Variants in UBR2 observed in about 807,000 individuals in gnomAD.
UBR2 encodes the protein E3 ubiquitin-protein ligase UBR2.
A neutral mutation model predicts 247.9 loss-of-function variants in UBR2; 92 were observed. That is an observed-to-expected ratio of 0.37 (90% CI 0.31 to 0.44). UBR2 has a LOEUF of 0.44. Ranked by LOEUF, UBR2 falls within the 20% of genes least tolerant of loss-of-function variation. The pLI is 1.00. For synonymous variants in UBR2, 672 were observed against 693.5 expected (o/e 0.97, Z 0.49); for missense variants, 1,613 against 2,112.6 (o/e 0.76, Z 4.64).
At chr6:42,618,000 G>A (rs1374391993) in intron 11 of UBR2, among the ~76,000 whole-genome samples, 2 of 152,238 alleles carry the variant, frequency 1.3e-5, no homozygotes, top group Non-Finnish European at 1.5e-5. Flanking sequence ...ATGTTTTAAC[G>A]CTATATACAT....
At chr6:42,678,102 C>T (rs1037653420) in intron 40 of UBR2, among the ~76,000 whole-genome samples, 2 of 152,112 alleles carry the variant, frequency 1.3e-5, no homozygotes, top group Non-Finnish European at 2.9e-5. Context: ...TTTGGGAGGC[C>T]AAGGCGGGCA....
Position 42,564,303 on chromosome 6 carries a change from G to A in UBR2, c.-17G>A. 4 of 1,601,760 alleles carry A rather than the reference G, an allele frequency of 2.5e-6. No individual in the cohort carries two copies. Among genetic ancestry groups the A allele is most frequent in the Admixed American group, 1.7e-5 (1 of 57,826 alleles). Reference sequence around the variant, plus strand: ...CTCTCCGGGCGGCGGTAGCGCTGGGGAGGAGGAGGAGAGAAGATGGCGTCG... The same window carrying A: ...CTCTCCGGGCGGCGGTAGCGCTGGGAAGGAGGAGGAGAGAAGATGGCGTCG... On this transcript the variant is annotated 5_prime_UTR_variant, in exon 1 of 47. Transcript: ENST00000372901.
chr6:42,583,815 C>T (rs563618209), intron 2 of UBR2, among the ~76,000 whole-genome samples: 14 of 151,912 alleles, frequency 9.2e-5, no homozygotes, highest in South Asian at 4.1e-4. Context: ...TGAGCCACCG[C>T]GCCCGGCCTC....
At chr6:42,630,494 T>C (rs954023046) in intron 11 of UBR2, among the ~76,000 whole-genome samples, 1 of 152,178 alleles carries the variant, frequency 6.6e-6, no homozygotes, top group Admixed American at 6.6e-5. Flanking sequence ...ATTTTTTTTT[T>C]TTGATACCCC....
At position 42,564,070 on chromosome 6, in the gene UBR2, C is replaced by T. The variant is rs1790630058; in HGVS notation, c.-250C>T. 9.5e-6 allele frequency: 5 copies of T among 528,098 alleles called. No individual in the cohort carries two copies. In the East Asian group the frequency reaches 1.7e-4, roughly 18 times the overall value. The allele number at this position is 528,098 out of a possible 1,614,324, so 32.7% of individuals were successfully genotyped here. A position where few individuals can be genotyped will look rare whatever the true frequency, so the allele number is the denominator to read the frequency against. On this transcript the variant is annotated 5_prime_UTR_variant, in exon 1 of 47. Transcript: ENST00000372901. ...GTGTCAGGCCTGGGGTTTTCTGTGT[C>T]CTTCCCTGGGTCAGGGACGAGCCAG...
intron 7 of UBR2, among the ~76,000 whole-genome samples, chr6:42,611,251 A>T (rs1050194855): frequency 2.6e-5 from 4 of 151,564 alleles, no homozygotes; most frequent in African/African-American, 9.7e-5. Context: ...TCACGAGATC[A>T]AGAGATCGAG....
chr6:42,576,434 G>A (rs981136594), intron 2 of UBR2, among the ~76,000 whole-genome samples: 1 of 151,418 alleles, frequency 6.6e-6, no homozygotes, highest in African/African-American at 2.4e-5. Context: ...CCATTCTGCT[G>A]CTGCTGCTGC....
chr6:42,648,163 C>T lies in UBR2; in HGVS notation c.2455C>T (p.His819Tyr), dbSNP rs970514593. Residue 819 changes from histidine (H) to tyrosine (Y), a missense_variant, in exon 22 of 47, where the codon CAT becomes TAT. This residue lies in a region of UBR2 where 1,524 missense variants were observed against 1,967.3 expected (regional missense o/e 0.77). Transcript: ENST00000372901. ...GMESVIEAVA[H>Y]FKKPGLTGRG... ...GGAGAGTGTAATCGAAGCAGTTGCC[C>T]ATTTCAAGTGAGTTTACTTCCTATT... The T allele has an allele frequency of 1.2e-6, 2 of 1,613,466 alleles. No homozygotes were observed. Among genetic ancestry groups the T allele is most frequent in the Non-Finnish European group, 1.7e-6 (2 of 1,179,550 alleles).
At chr6:42,571,336 G>C (rs535844019) in intron 1 of UBR2, among the ~76,000 whole-genome samples, 1 of 151,364 alleles carries the variant, frequency 6.6e-6, no homozygotes, top group East Asian at 1.9e-4. Flanking sequence ...ACAGGAATGG[G>C]AACATAAAAT....
chr6:42,631,121 G>A (rs911016440), intron 11 of UBR2, among the ~76,000 whole-genome samples: 2 of 152,110 alleles, frequency 1.3e-5, no homozygotes, highest in Non-Finnish European at 2.9e-5. Flanking sequence ...ACGTTTTGAT[G>A]AAACTTTTTC....
At chr6:42,684,056 CA>C (rs1332524640) in intron 43 of UBR2, among the ~76,000 whole-genome samples, 2 of 152,204 alleles carry the variant, frequency 1.3e-5, no homozygotes, top group Non-Finnish European at 2.9e-5. Context: ...CAATTTTTAT[CA>C]GTCAAAAATG....
chr6:42,624,729 G>A (rs1251397078), intron 11 of UBR2, among the ~76,000 whole-genome samples: 1 of 152,058 alleles, frequency 6.6e-6, no homozygotes, highest in Admixed American at 6.6e-5. Context: ...GTGGCTGAGG[G>A]TCAAAGGACT....
Position 42,616,023 on chromosome 6 carries a change from A to C in UBR2, c.1115A>C (p.Gln372Pro). ...CAAGGTGCTAGGAGTGTATATCATCAGTTGTTCATGAGCAGTCTGCTTATG... is the reference window on the plus strand; with the variant it reads ...CAAGGTGCTAGGAGTGTATATCATCCGTTGTTCATGAGCAGTCTGCTTATG... ...LWKGARSVYH[Q>P]LFMSSLLMDL... The change falls in exon 10 of 47, where the codon CAG becomes CCG. Residue 372 changes from glutamine to proline, a missense_variant. Gln to Pro is a moderately conservative substitution (Grantham distance 76). This residue lies in a region of UBR2 where 1,524 missense variants were observed against 1,967.3 expected (regional missense o/e 0.77). Transcript: ENST00000372901. 1 of 1,604,656 alleles carries C rather than the reference A, an allele frequency of 6.2e-7. No homozygotes were observed.
Position 42,616,066 on chromosome 6 carries a change from A to G in UBR2, c.1158A>G (p.Lys386=). ...TGCTTATGGATTTGAAATACAAGAA[A>G]CTATTTGCTGTTCGATTTGCAAAAG... ...SSLLMDLKYK[K]LFAVRFAKNY... The change falls in exon 10 of 47, where the codon AAA becomes AAG. Residue 386 remains lysine (K), a synonymous_variant. Transcript: ENST00000372901. 6.2e-7 allele frequency: 1 copy of G among 1,609,600 alleles called. No individual in the cohort carries two copies. The highest frequency in any genetic ancestry group is 8.5e-7 in the Non-Finnish European group (1 of 1,178,992).
chr6:42,625,046 G>T (rs1225915174), intron 11 of UBR2, among the ~76,000 whole-genome samples: 4 of 152,112 alleles, frequency 2.6e-5, no homozygotes, highest in Non-Finnish European at 5.9e-5. Flanking sequence ...ACCCCAGAAT[G>T]ACCAAGGACA....
chr6:42,655,993 G>A (rs1582660109), intron 26 of UBR2, among the ~76,000 whole-genome samples: 2 of 152,064 alleles, frequency 1.3e-5, no homozygotes, highest in South Asian at 4.1e-4. Context: ...AATTATAGGG[G>A]ATTAGATTGT....
At chr6:42,641,790 C>T in intron 17 of UBR2, 98 bp downstream of exon 17, 2 of 869,934 alleles carry the variant, frequency 2.3e-6, no homozygotes, top group African/African-American at 3.6e-5. Context: ...AGCTGAGTAT[C>T]TATATTAAAA....
At chr6:42,565,268 C>G (rs1269052381) in intron 1 of UBR2, among the ~76,000 whole-genome samples, 2 of 152,106 alleles carry the variant, frequency 1.3e-5, no homozygotes, top group African/African-American at 2.4e-5. Context: ...AAGAGATTGC[C>G]GAGAATGATT....
intron 8 of UBR2, among the ~76,000 whole-genome samples, chr6:42,614,205 A>AAAAAAAATATAT (rs1562310782): frequency 1.1e-4 from 3 of 26,612 alleles, no homozygotes; most frequent in East Asian, 9.5e-4. Context: ...AAAAAAAAAA[A>AAAAAAAATATAT]CTATATATAT....
Sources: gnomAD v4.1 joint callset for allele counts (sites outside exome capture counted in the v4.1 genomes callset) on GRCh38, gnomAD v4.1.1 for gene constraint, gnomAD v4.1.1 regional missense constraint, MANE v1.5 for transcripts, NCBI Gene and HGNC (gene_info 2026-07-23, HGNC 2026-07-21) for gene names.